The following ATP1A1 variants were observed in gnomAD, a reference collection of about 807,000 sequenced individuals.
ATP1A1 encodes ATPase Na+/K+ transporting subunit alpha 1, also known as sodium/potassium-transporting ATPase subunit alpha-1.
In ATP1A1, 14 loss-of-function variants were observed where a neutral mutation model predicts 114.8. The ratio of observed to expected loss-of-function variants is 0.12; its 90% confidence interval spans 0.08 to 0.19. The LOEUF (loss-of-function observed/expected upper bound fraction) is 0.19. ATP1A1 is among the 10% of genes least tolerant of loss of function. The probability of loss-of-function intolerance (pLI) is 1.00; values close to 1 mark genes in which losing one functional copy is unlikely to be tolerated. For missense variants in ATP1A1, 524 were observed against 1,290.7 expected (o/e 0.41, Z 9.10); for synonymous variants, 471 against 466.3 (o/e 1.01, Z -0.13).
chr1:116,399,161 G>A lies in ATP1A1; in HGVS notation c.2448+77G>A. ...TTCATTCACTGGCACTATGCTCCCA[G>A]CATCCATGAGGCTGGCGTTGGGAAA... is the stretch of plus-strand genomic sequence containing the variant. On this transcript the variant is annotated intron_variant, in intron 17 of 22. Coordinates refer to ENST00000295598, the MANE Select transcript of ATP1A1 (RefSeq NM_000701.8). The surrounding 1 kb of genome is among the most constrained non-coding windows in gnomAD (Gnocchi z 5.0). 6.3e-7 allele frequency: 1 copy of A among 1,592,394 alleles called. No homozygotes were observed. Among genetic ancestry groups the A allele is most frequent in the South Asian group, 1.1e-5 (1 of 89,436 alleles).
At chr1:116,378,194 T>C (rs1403875988) in intron 1 of ATP1A1, among the ~76,000 whole-genome samples, 1 of 152,230 alleles carries the variant, frequency 6.6e-6, no homozygotes, top group African/African-American at 2.4e-5. Context: ...CCCTACACTT[T>C]CTCTTTGGTT....
At chr1:116,400,726 T>C (rs778412383) in intron 18 of ATP1A1, 135 bp from the exon 19 acceptor site, 635 of 1,111,170 alleles carry the variant, frequency 5.7e-4, no homozygotes, top group Non-Finnish European at 7.1e-4. Context: ...GGCAATTCTT[T>C]CCTGTGCTTT....
rs1464466616 is a variant in ATP1A1, at chr1:116,395,932, A to AAGTAAAG, written c.1836+649_1836+655dup. On this transcript the variant is annotated intron_variant, in intron 13 of 22. Transcript: ENST00000295598. The surrounding 1 kb of genome is among the most constrained non-coding windows in gnomAD (Gnocchi z 6.4). ...ACGCCCAGCTAATTTTTGTATTTTT[A>AAGTAAAG]AGTAAAGATAGGGTTTCGCCACGTT... Among the ~76,000 whole-genome samples, 1 of 151,902 alleles carries AAGTAAAG rather than the reference A, an allele frequency of 6.6e-6. No homozygotes were observed. The highest frequency in any genetic ancestry group is 1.5e-5 in the Non-Finnish European group (1 of 67,992).
intron 1 of ATP1A1, among the ~76,000 whole-genome samples, chr1:116,382,780 A>T (rs182907381): frequency 6.6e-6 from 1 of 152,258 alleles, no homozygotes; most frequent in Non-Finnish European, 1.5e-5. Context: ...TGAAATTATA[A>T]TCTGGACACG....
chr1:116,390,943 C>A, intron 10 of ATP1A1, 52 bp downstream of exon 10: 2 of 1,486,926 alleles, frequency 1.3e-6, no homozygotes, highest in Non-Finnish European at 9.4e-7. Context: ...ATGAGAACTG[C>A]CATTTGAGTG....
chr1:116,403,279 C>T (rs556706591), intron 21 of ATP1A1, among the ~76,000 whole-genome samples: 26 of 152,274 alleles, frequency 1.7e-4, no homozygotes, highest in African/African-American at 6.0e-4. Flanking sequence ...CTGGTGATCA[C>T]GGAGGCTGCC....
chr1:116,403,825 C>T (rs1653743668), intron 21 of ATP1A1, 59 bp from the exon 22 acceptor site: 1 of 1,442,166 alleles, frequency 6.9e-7, no homozygotes, highest in Non-Finnish European at 9.6e-7. Context: ...TGCAATTTCT[C>T]TTTCTTTATT....
chr1:116,384,814 A>G lies in ATP1A1; in HGVS notation c.155A>G (p.His52Arg). 1 of 1,613,210 alleles carries G rather than the reference A, an allele frequency of 6.2e-7. No individual in the cohort carries two copies. The highest frequency in any genetic ancestry group is 8.5e-7 in the Non-Finnish European group (1 of 1,179,748). The change falls in exon 3 of 23, where the codon CAT becomes CGT. Residue 52 changes from histidine to arginine, a missense_variant. Transcript: ENST00000295598. The surrounding 1 kb of genome is among the most constrained non-coding windows in gnomAD (Gnocchi z 5.1). ...DDHKLSLDEL[H>R]RKYGTDLSRG... ...CATAAACTTAGCCTTGATGAACTTCATCGTAAATATGGAACAGACTTGAGC... is the reference window on the plus strand; with the variant it reads ...CATAAACTTAGCCTTGATGAACTTCGTCGTAAATATGGAACAGACTTGAGC...
In ATP1A1 at chr1:116,387,693, T is replaced by C. The variant is rs923548297; in HGVS notation, c.387+202T>C. Among the ~76,000 whole-genome samples, 5 of 152,234 alleles carry C rather than the reference T, an allele frequency of 3.3e-5. No homozygotes were observed. Among genetic ancestry groups the C allele is most frequent in the African/African-American group, 9.6e-5 (4 of 41,470 alleles). On this transcript the variant is annotated intron_variant, in intron 4 of 22. Transcript: ENST00000295598. The surrounding 1 kb of genome is among the most constrained non-coding windows in gnomAD (Gnocchi z 6.7). ...CTCTCTCTACCACCCACGTTGTAGA[T>C]GCTCTTACAAGTGGGATGCCCACCT...
intron 18 of ATP1A1, 103 bp from the exon 19 acceptor site, chr1:116,400,755 ACTC>A (rs1171798055): frequency 1.5e-6 from 2 of 1,342,532 alleles, no homozygotes; most frequent in African/African-American, 3.0e-5. Flanking sequence ...AGGGGGAAAC[ACTC>A]CTCCATATGT....
At position 116,398,475 on chromosome 1, in the gene ATP1A1, C is replaced by A; in HGVS notation, c.2125-146C>A. ...GGTGTAGGGCCTGTGTGAATACTTG[C>A]CTGTGACGGTTCTCAGGCTTCATAA... is the stretch of plus-strand genomic sequence containing the variant. On this transcript the variant is annotated intron_variant, in intron 15 of 22. Coordinates refer to ENST00000295598, the MANE Select transcript of ATP1A1 (RefSeq NM_000701.8). This position sits in a 1 kb window ranked among gnomAD's most constrained non-coding sequence, Gnocchi z 6.1. The A allele has an allele frequency of 9.8e-7, 1 of 1,022,558 alleles. No individual in the cohort carries two copies. Among genetic ancestry groups the A allele is most frequent in the Non-Finnish European group, 1.4e-6 (1 of 702,800 alleles). The allele number at this position is 1,022,558 out of a possible 1,614,324, so 63.3% of individuals were successfully genotyped here.
At position 116,401,559 on chromosome 1, in the gene ATP1A1, A is replaced by G; in HGVS notation, c.2855A>G (p.Lys952Arg). 3.7e-6 allele frequency: 6 copies of G among 1,614,060 alleles called. No homozygotes were observed. The highest frequency in any genetic ancestry group is 5.1e-6 in the Non-Finnish European group (6 of 1,179,976). The change falls in exon 21 of 23, where the codon AAG becomes AGG. Residue 952 changes from lysine to arginine, a missense_variant. This residue lies in a region of ATP1A1 where 84 missense variants were observed against 209.3 expected (regional missense o/e 0.40). Transcript: ENST00000295598. The surrounding 1 kb of genome is among the most constrained non-coding windows in gnomAD (Gnocchi z 4.7). ...CTCCCCTACTTTGATTTTAGGAACAAGATCTTGATATTTGGCCTCTTTGAA... is the reference window on the plus strand; with the variant it reads ...CTCCCCTACTTTGATTTTAGGAACAGGATCTTGATATTTGGCCTCTTTGAA... ...NSVFQQGMKN[K>R]ILIFGLFEET...
chr1:116,373,742 G>A (rs2101025489), intron 1 of ATP1A1: 2 of 924,074 alleles, frequency 2.2e-6, no homozygotes, highest in South Asian at 5.3e-5. Flanking sequence ...AGGGGCTGGA[G>A]CGCGGCATTG....
In ATP1A1 at chr1:116,399,000, C is replaced by T. The variant is rs773672785; in HGVS notation, c.2364C>T (p.Thr788=). ...YTLTSNIPEI[T]PFLIFIIANI... ...TAACCAGTAACATTCCCGAGATCACCCCGTTCCTGATATTTATTATTGCAA... is the reference window on the plus strand; with the variant it reads ...TAACCAGTAACATTCCCGAGATCACTCCGTTCCTGATATTTATTATTGCAA... The change falls in exon 17 of 23, where the codon ACC becomes ACT. Residue 788 remains threonine, a synonymous_variant. Transcript: ENST00000295598. This position sits in a 1 kb window ranked among gnomAD's most constrained non-coding sequence, Gnocchi z 6.1. 1.9e-6 allele frequency: 3 copies of T among 1,614,180 alleles called. No individual in the cohort carries two copies. Among genetic ancestry groups the T allele is most frequent in the Non-Finnish European group, 2.5e-6 (3 of 1,180,034 alleles).
In ATP1A1 at chr1:116,384,718, A is replaced by G. The variant is rs1651965220; in HGVS notation, c.124-65A>G. 1.4e-6 allele frequency: 2 copies of G among 1,389,868 alleles called. No homozygotes were observed. The highest frequency in any genetic ancestry group is 4.3e-5 in the Admixed American group (2 of 46,782). The allele number at this position is 1,389,868 out of a possible 1,614,324, so 86.1% of individuals were successfully genotyped here. ...CTTAATGATAGTAATGAATAATGCT[A>G]TTTTTTCTGTCATTTTTTTATACTA... On this transcript the variant is annotated intron_variant, in intron 2 of 22. Transcript: ENST00000295598. The surrounding 1 kb of genome is among the most constrained non-coding windows in gnomAD (Gnocchi z 5.1).
Position 116,373,484 on chromosome 1 carries a change from C to A in ATP1A1, c.-28C>A. On this transcript the variant is annotated 5_prime_UTR_variant, in exon 1 of 23. Transcript: ENST00000295598. The stretch of plus-strand genomic sequence containing the variant: ...CTCTCTGATTCTCCAGCGACAGGAC[C>A]CGGCGCCGGGCACTGAGCACCGCCA... The A allele has an allele frequency of 6.6e-7, 1 of 1,514,818 alleles. No individual in the cohort carries two copies. Among genetic ancestry groups the A allele is most frequent in the Non-Finnish European group, 8.8e-7 (1 of 1,132,242 alleles). The allele number at this position is 1,514,818 out of a possible 1,614,324, so 93.8% of individuals were successfully genotyped here. A position where few individuals can be genotyped will look rare whatever the true frequency, so the allele number is the denominator to read the frequency against.
In ATP1A1 at chr1:116,393,790, A is replaced by G. The variant is rs1652667698; in HGVS notation, c.1660+67A>G. 1 of 1,452,748 alleles carries G rather than the reference A, an allele frequency of 6.9e-7. No individual in the cohort carries two copies. Among genetic ancestry groups the G allele is most frequent in the Admixed American group, 2.2e-5 (1 of 44,674 alleles). 90.0% of individuals were successfully genotyped at this position (1,452,748 alleles called of 1,614,324 possible). ...TATCCAGTAACCTAGTCTGGTAGAC[A>G]GTTAACAAGTGATCCTATGAACCTC... On this transcript the variant is annotated intron_variant, in intron 12 of 22. Transcript: ENST00000295598. The surrounding 1 kb of genome is among the most constrained non-coding windows in gnomAD (Gnocchi z 5.0).
At position 116,390,146 on chromosome 1, in the gene ATP1A1, A is replaced by G. The variant is rs952305275; in HGVS notation, c.1024-67A>G. The G allele has an allele frequency of 4.1e-6, 6 of 1,473,036 alleles. No homozygotes were observed. In the African/African-American group the frequency reaches 5.6e-5, roughly 14 times the overall value. 91.2% of individuals were successfully genotyped at this position (1,473,036 alleles called of 1,614,324 possible). On this transcript the variant is annotated intron_variant, in intron 8 of 22. Coordinates refer to ENST00000295598, the MANE Select transcript of ATP1A1 (RefSeq NM_000701.8). The stretch of plus-strand genomic sequence containing the variant: ...AGACAAATTTCTTCCACATTAGGAT[A>G]TAGCAAGAATCTGTATAGAATTCCA...
rs930813104 is a variant in ATP1A1 at position 116,389,893 on chromosome 1, A to C, written c.1023+186A>C. The C allele has an allele frequency of 4.0e-5, 36 of 908,398 alleles. No individual in the cohort carries two copies. In the African/African-American group the frequency reaches 4.4e-4, roughly 11 times the overall value. 56.3% of individuals were successfully genotyped at this position (908,398 alleles called of 1,614,324 possible). On this transcript the variant is annotated intron_variant, in intron 8 of 22. Transcript: ENST00000295598. The surrounding 1 kb of genome is among the most constrained non-coding windows in gnomAD (Gnocchi z 6.9). ...AAAACCTCAGCATTTGTTTATACGT[A>C]AGATAACCCCAAAGCATACATTTTG...
Sources: allele counts gnomAD v4.1 joint callset (sites outside exome capture counted in the v4.1 genomes callset), GRCh38; gene constraint gnomAD v4.1.1; regional missense constraint gnomAD v4.1.1; non-coding constraint Gnocchi (gnomAD v3.1); transcripts MANE v1.5; gene names NCBI Gene and HGNC (gene_info 2026-07-23, HGNC 2026-07-21).